ZNF831: variants seen among roughly 807,000 people sequenced by gnomAD.
The protein encoded by ZNF831 is chromosome 20 open reading frame 174.
ZNF831 carries 59 observed loss-of-function variants against 95.8 expected under a neutral mutation model. The observed-to-expected ratio is 0.62, with a 90% CI of 0.50 to 0.77. The LOEUF (loss-of-function observed/expected upper bound fraction) is 0.77, where lower values mean the gene tolerates loss of function less well. Among genes scored for constraint, ZNF831 ranks in the 30% least tolerant of loss-of-function variants. ZNF831 has a pLI of 0.00. For synonymous variants in ZNF831, 961 were observed against 925.5 expected, an observed-to-expected ratio of 1.04 and a Z score of -0.70; for missense variants, 2,205 against 2,164.0, an observed-to-expected ratio of 1.02 and a Z score of -0.38.
At chr20:59,224,961 T>C (rs1377360659) in intron 4 of ZNF831, among the ~76,000 whole-genome samples, 1 of 152,192 alleles carries the variant, frequency 6.6e-6, no homozygotes, top group Non-Finnish European at 1.5e-5. Context: ...TTTGTGATTT[T>C]TTTTTTTCCT....
At chr20:59,155,086 A>G (rs527327449) in intron 2 of ZNF831, among the ~76,000 whole-genome samples, 1 of 152,342 alleles carries the variant, frequency 6.6e-6, no homozygotes, top group Admixed American at 6.5e-5. Context: ...TTGCTGGACA[A>G]GTAACTTGAA....
At chr20:59,159,441 C>T (rs1331685271), upstream of ZNF831, among the ~76,000 whole-genome samples, 1 of 152,144 alleles carries the variant, frequency 6.6e-6, no homozygotes, top group African/African-American at 2.4e-5. Flanking sequence ...GTGGATGCAT[C>T]ATGCCTTAAA....
chr20:59,225,466 GA>G (rs2146684366), intron 4 of ZNF831, among the ~76,000 whole-genome samples: 1 of 152,268 alleles, frequency 6.6e-6, no homozygotes, highest in Non-Finnish European at 1.5e-5. Context: ...TGATAAGGCA[GA>G]AAATGATGAT....
At chr20:59,196,867 T>TCC (rs1207110523) in intron 3 of ZNF831, among the ~76,000 whole-genome samples, 10 of 152,036 alleles carry the variant, frequency 6.6e-5, no homozygotes, top group African/African-American at 2.4e-4. Flanking sequence ...AACCTCTGCC[T>TCC]TGGGGGTTCA....
intron 4 of ZNF831, among the ~76,000 whole-genome samples, chr20:59,240,758 C>G (rs1471511573): frequency 6.6e-6 from 1 of 152,062 alleles, no homozygotes; most frequent in African/African-American, 2.4e-5. Context: ...GCCAAGATGG[C>G]GCCACTGCAC....
In ZNF831 at chr20:59,246,266, A is replaced by G. The variant is rs114149329; in HGVS notation, c.4028-6712A>G. Among the ~76,000 whole-genome samples, 424 of 152,320 alleles carry G rather than the reference A, an allele frequency of 2.8e-3. 3 individuals carry two copies. Among genetic ancestry groups the G allele is most frequent in the African/African-American group, 9.8e-3 (407 of 41,578 alleles). ...ACTTCCGACATCTTTTCTCATTAGA[A>G]TTAATGGAGAACTATCCCCAAAGCT... is the stretch of plus-strand genomic sequence containing the variant. On this transcript the variant is annotated intron_variant, in intron 4 of 5. Transcript: ENST00000371030.
At chr20:59,204,679 G>T (rs901701397) in intron 3 of ZNF831, among the ~76,000 whole-genome samples, 3 of 152,212 alleles carry the variant, frequency 2.0e-5, no homozygotes, top group South Asian at 2.1e-4. Flanking sequence ...CCCTGAGAGA[G>T]CCTGACAAAG....
chr20:59,144,886 T>C (rs942749474), intron 1 of ZNF831, among the ~76,000 whole-genome samples: 1 of 152,188 alleles, frequency 6.6e-6, no homozygotes, highest in Non-Finnish European at 1.5e-5. Flanking sequence ...TTTTATAGTG[T>C]CCAGAAGACT....
chr20:59,229,252 A>G (rs1014250061), intron 4 of ZNF831, among the ~76,000 whole-genome samples: 1 of 152,086 alleles, frequency 6.6e-6, no homozygotes, highest in Non-Finnish European at 1.5e-5. Flanking sequence ...TGTTGTGAAT[A>G]GCGTGGCAGT....
At chr20:59,177,563 G>A (rs926779476) in intron 1 of ZNF831, among the ~76,000 whole-genome samples, 4 of 152,182 alleles carry the variant, frequency 2.6e-5, no homozygotes, top group Non-Finnish European at 4.4e-5. Flanking sequence ...AAACTAGGAC[G>A]AGTTGGTATA....
At chr20:59,202,339 T>TA (rs34375805) in intron 3 of ZNF831, among the ~76,000 whole-genome samples, 16 of 138,292 alleles carry the variant, frequency 1.2e-4, no homozygotes, top group South Asian at 6.6e-4. Context: ...TTTTTTTTTT[T>TA]AAAAAAAAAA....
rs180690770 is a variant in ZNF831 at position 59,203,822 on chromosome 20, G to A, written c.3876-3083G>A. 2.6e-5 allele frequency among the ~76,000 whole-genome samples: 4 copies of A among 152,272 alleles called. No homozygotes were observed. The East Asian group carries it at 7.7e-4, about 29-fold the overall frequency. ...AGAAAATGCAGGATCCACTTCCAGA[G>A]TGGAAATGGAAAAACGCAGAAAATT... On this transcript the variant is annotated intron_variant, in intron 3 of 5. Coordinates refer to ENST00000371030, the MANE Select transcript of ZNF831 (RefSeq NM_178457.3).
Position 59,192,363 on chromosome 20 carries a change from C to A in ZNF831, c.1344C>A (p.Tyr448Ter). The change falls in exon 2 of 6, where the codon TAC (tyrosine) becomes TAA (stop). Residue 448 changes from tyrosine (Y) to a stop codon, truncating the protein, a stop_gained. Coordinates refer to ENST00000371030, the MANE Select transcript of ZNF831 (RefSeq NM_178457.3). LOFTEE classifies it high-confidence loss of function. The surrounding 1 kb of genome is among the most constrained non-coding windows in gnomAD (Gnocchi z 5.2). ...GSIDLPTPYT[Y>*]KDSFHFDIRA... The stretch of plus-strand genomic sequence containing the variant: ...TCGACCTGCCCACGCCCTACACCTA[C>A]AAGGACTCCTTCCACTTTGACATCC... The A allele has an allele frequency of 6.2e-7, 1 of 1,611,708 alleles. No individual in the cohort carries two copies. The highest frequency in any genetic ancestry group is 1.1e-5 in the South Asian group (1 of 90,826).
rs879822839 is a variant in ZNF831, at chr20:59,139,011, CT to C, written c.-1424-7210del. Among the ~76,000 whole-genome samples the C allele has an allele frequency of 8.4e-4, 125 of 148,810 alleles. 2 individuals carry two copies. The highest frequency in any genetic ancestry group is 7.2e-3 in the Admixed American group (107 of 14,920). ...GCCACTTTCAATTCTGTTTCCTTCT[CT>C]TTTTTTTTTGACAGCGGTTACTGCC... On this transcript the variant is annotated intron_variant, in intron 1 of 7. Transcript: ENST00000637017.
intron 1 of ZNF831, among the ~76,000 whole-genome samples, chr20:59,181,214 G>C (rs1229225222): frequency 6.6e-6 from 1 of 152,128 alleles, no homozygotes; most frequent in Non-Finnish European, 1.5e-5. Flanking sequence ...CCCACTTTTT[G>C]ATGGGGTTGT....
At chr20:59,220,445 T>C (rs2146671364) in intron 4 of ZNF831, among the ~76,000 whole-genome samples, 1 of 152,300 alleles carries the variant, frequency 6.6e-6, no homozygotes, top group Admixed American at 6.5e-5. Flanking sequence ...AACTAAGGTG[T>C]GAGTGGAACC....
rs1217150574 is a variant in ZNF831 at position 59,257,931 on chromosome 20, C to T, written c.*3188C>T. The T allele has an allele frequency of 4.6e-5, 7 of 152,150 alleles. No homozygotes were observed. Among genetic ancestry groups the T allele is most frequent in the African/African-American group, 1.2e-4 (5 of 41,422 alleles). 9.4% of individuals were successfully genotyped at this position (152,150 alleles called of 1,614,324 possible). On this transcript the variant is annotated 3_prime_UTR_variant, in exon 6 of 6. Coordinates refer to ENST00000371030, the MANE Select transcript of ZNF831 (RefSeq NM_178457.3). Reference sequence around the variant, plus strand: ...GTACCTACACCCAGCTAGATCTTGTCGTTAAAGATGTATGGAGGGAAGAGG... The same window carrying T: ...GTACCTACACCCAGCTAGATCTTGTTGTTAAAGATGTATGGAGGGAAGAGG...
At chr20:59,206,274 T>C (rs1276992935) in intron 3 of ZNF831, among the ~76,000 whole-genome samples, 1 of 152,222 alleles carries the variant, frequency 6.6e-6, no homozygotes, top group Non-Finnish European at 1.5e-5. Flanking sequence ...CCCTCTGAGA[T>C]GTGAATACTT....
At chr20:59,153,434 C>T (rs889482027) in intron 2 of ZNF831, among the ~76,000 whole-genome samples, 13 of 152,242 alleles carry the variant, frequency 8.5e-5, no homozygotes, top group African/African-American at 2.2e-4. Flanking sequence ...CCCCTGGGAG[C>T]GGAAGGCTTG....
Sources: allele counts gnomAD v4.1 joint callset (sites outside exome capture counted in the v4.1 genomes callset), GRCh38; gene constraint gnomAD v4.1.1; non-coding constraint Gnocchi (gnomAD v3.1); transcripts MANE v1.5; gene names NCBI Gene and HGNC (gene_info 2026-07-23, HGNC 2026-07-21).